Variants in IPO5 observed in about 807,000 individuals in gnomAD.
The protein encoded by IPO5 is importin 5.
In IPO5, 18 loss-of-function variants were observed where a neutral mutation model predicts 143.3. That is an observed-to-expected ratio of 0.13 (90% CI 0.09 to 0.19). The LOEUF (loss-of-function observed/expected upper bound fraction) is 0.19, where lower values mean the gene tolerates loss of function less well. Ranked by LOEUF, IPO5 falls within the 10% of genes least tolerant of loss-of-function variation. The pLI is 1.00. For missense variants in IPO5, 1,013 were observed against 1,336.9 expected, an observed-to-expected ratio of 0.76 and a Z score of 3.78; for synonymous variants, 477 against 465.7, an observed-to-expected ratio of 1.02 and a Z score of -0.31.
chr13:97,987,431 G>A (rs1034301409), intron 6 of IPO5, among the ~76,000 whole-genome samples: 1 of 152,192 alleles, frequency 6.6e-6, no homozygotes, highest in Non-Finnish European at 1.5e-5. Flanking sequence ...GTAAGTCCTT[G>A]TTCAATTCAG....
chr13:97,960,423 T>C (rs185948018), intron 2 of IPO5: 3 of 152,276 alleles, frequency 2.0e-5, no homozygotes, highest in East Asian at 1.9e-4. Flanking sequence ...CTGTGAATGA[T>C]AGGGGGAAAA....
chr13:97,970,706 G>A (rs1885756992), intron 3 of IPO5, among the ~76,000 whole-genome samples: 1 of 152,146 alleles, frequency 6.6e-6, no homozygotes, highest in Non-Finnish European at 1.5e-5. Flanking sequence ...CTACCATAAT[G>A]AGCATTGCAA....
chr13:98,002,645 AC>A, intron 14 of IPO5, 38 bp from the exon 15 acceptor site: 1 of 1,607,058 alleles, frequency 6.2e-7, no homozygotes, highest in Non-Finnish European at 8.5e-7. Context: ...TCATGTGGAA[AC>A]CTTCTTGCTT....
intron 11 of IPO5, among the ~76,000 whole-genome samples, chr13:97,996,972 G>T (rs1159506775): frequency 1.3e-5 from 2 of 152,092 alleles, no homozygotes; most frequent in African/African-American, 4.8e-5. Flanking sequence ...AAGAAAAGAT[G>T]TAATAATCTC....
intron 4 of IPO5, among the ~76,000 whole-genome samples, chr13:97,977,454 TAC>T (rs1452068933): frequency 6.6e-6 from 1 of 152,220 alleles, no homozygotes; most frequent in Non-Finnish European, 1.5e-5. Flanking sequence ...GGGCTTATAA[TAC>T]ACTTACTCTG....
intron 2 of IPO5, among the ~76,000 whole-genome samples, chr13:97,955,599 C>T (rs886964603): frequency 3.3e-5 from 5 of 152,146 alleles, no homozygotes; most frequent in Admixed American, 6.5e-5. Context: ...ACCACTCTAC[C>T]ACAACCCAGT....
intron 9 of IPO5, among the ~76,000 whole-genome samples, chr13:97,991,386 T>C (rs1887790262): frequency 6.6e-6 from 1 of 152,154 alleles, no homozygotes; most frequent in East Asian, 1.9e-4. Context: ...ACTGGACTAA[T>C]AGCAAAGATA....
chr13:97,970,536 G>A (rs984195798), intron 3 of IPO5, among the ~76,000 whole-genome samples: 5 of 152,104 alleles, frequency 3.3e-5, no homozygotes, highest in South Asian at 4.1e-4. Flanking sequence ...CAGGAGAATC[G>A]CTTGAACCCG....
chr13:97,995,211 A>C (rs956652022), intron 11 of IPO5, among the ~76,000 whole-genome samples: 2 of 94,052 alleles, frequency 2.1e-5, no homozygotes, highest in African/African-American at 7.6e-5. Flanking sequence ...TAATAGGTTT[A>C]TGGGGAACAG....
chr13:97,998,142 A>G (rs1272852235), intron 12 of IPO5, among the ~76,000 whole-genome samples: 1 of 152,020 alleles, frequency 6.6e-6, no homozygotes, highest in African/African-American at 2.4e-5. Context: ...CGTCCAGCTA[A>G]TTTTTTGTAT....
chr13:97,959,761 G>T (rs560483200), intron 2 of IPO5, among the ~76,000 whole-genome samples: 37 of 152,050 alleles, frequency 2.4e-4, no homozygotes, highest in African/African-American at 8.4e-4. Context: ...TGTCCCTAGG[G>T]TATGACCCCA....
At position 97,969,850 on chromosome 13, in the gene IPO5, G is replaced by A. The variant is rs1885674661; in HGVS notation, c.-5+20G>A. 2.5e-6 allele frequency: 4 copies of A among 1,586,968 alleles called. No homozygotes were observed. Among genetic ancestry groups the A allele is most frequent in the Non-Finnish European group, 3.4e-6 (4 of 1,160,892 alleles). On this transcript the variant is annotated intron_variant, in intron 3 of 28. Coordinates refer to ENST00000651721, the MANE Select transcript of IPO5 (RefSeq NM_002271.6). ...AATAAGGTAACTGATTTCACCTGGG[G>A]AAAAGTCACTTCCTGTTTTGTTTTT...
intron 11 of IPO5, among the ~76,000 whole-genome samples, chr13:97,996,147 A>C (rs1458992804): frequency 6.6e-6 from 1 of 151,962 alleles, no homozygotes; most frequent in East Asian, 1.9e-4. Context: ...GAGTGCAGTG[A>C]CATGATCTCA....
intron 11 of IPO5, among the ~76,000 whole-genome samples, chr13:97,994,606 A>G (rs1259929781): frequency 2.6e-5 from 4 of 152,240 alleles, no homozygotes; most frequent in African/African-American, 7.2e-5. Flanking sequence ...AAATTAATCT[A>G]GGGTTATGAT....
chr13:97,978,413 A>G (rs757318812), intron 4 of IPO5, among the ~76,000 whole-genome samples: 1 of 152,142 alleles, frequency 6.6e-6, no homozygotes, highest in Non-Finnish European at 1.5e-5. Flanking sequence ...GTTTCCAGTG[A>G]CCTGCTCTTT....
chr13:97,995,207 G>T (rs1414442392), intron 11 of IPO5, among the ~76,000 whole-genome samples: 2 of 148,702 alleles, frequency 1.3e-5, no homozygotes, highest in Middle Eastern at 3.5e-3. Flanking sequence ...TGTTTAATAG[G>T]TTTATGGGGA....
chr13:97,983,841 A>T (rs1361399209), intron 5 of IPO5, among the ~76,000 whole-genome samples: 1 of 151,642 alleles, frequency 6.6e-6, no homozygotes, highest in Non-Finnish European at 1.5e-5. Context: ...TTTAAAAGCC[A>T]TATAAAAGTA....
chr13:98,021,595 T>C (rs1407772113), intron 28 of IPO5, 141 bp from the exon 29 acceptor site: 2 of 441,674 alleles, frequency 4.5e-6, no homozygotes, highest in African/African-American at 3.9e-5. Flanking sequence ...ACAGATTTCT[T>C]GCTTTTACAA....
At chr13:97,967,910 C>T (rs982462425) in intron 2 of IPO5, among the ~76,000 whole-genome samples, 4 of 152,166 alleles carry the variant, frequency 2.6e-5, no homozygotes, top group Admixed American at 2.0e-4. Context: ...GGATTACAGG[C>T]ATGAGCCACC....
Sources: gnomAD v4.1 joint callset for allele counts (sites outside exome capture counted in the v4.1 genomes callset) on GRCh38, gnomAD v4.1.1 for gene constraint, MANE v1.5 for transcripts, NCBI Gene and HGNC (gene_info 2026-07-23, HGNC 2026-07-21) for gene names.